Variants in RAI2 observed in about 807,000 individuals in gnomAD.
RAI2 encodes retinoic acid-induced protein 2.
RAI2 carries 5 observed loss-of-function variants against 15.3 expected under a neutral mutation model. The observed-to-expected ratio is 0.33, with a 90% confidence interval of 0.17 to 0.69. The LOEUF (loss-of-function observed/expected upper bound fraction) is 0.69. RAI2 is among the 30% of genes least tolerant of loss of function. The probability of loss-of-function intolerance (pLI) is 0.69; values close to 1 mark genes in which losing one functional copy is unlikely to be tolerated. For missense variants in RAI2, 424 were observed against 424.7 expected (o/e 1.00, Z 0.01); for synonymous variants, 191 against 184.0 (o/e 1.04, Z -0.31).
At chrX:17,840,140 A>G (rs2067381288) in intron 1 of RAI2, among the ~76,000 whole-genome samples, 1 of 112,311 alleles carries the variant, frequency 8.9e-6, no homozygotes, top group Admixed American at 9.4e-5. Context: ...AAAGAGACAA[A>G]AACATTTTTT....
At chrX:17,804,211 C>T (rs773955726) in intron 1 of RAI2, among the ~76,000 whole-genome samples, 3 of 111,840 alleles carry the variant, frequency 2.7e-5, no homozygotes, top group Non-Finnish European at 5.6e-5. Context: ...CCTCCCACTT[C>T]GGCTTCCCAA....
intron 1 of RAI2, among the ~76,000 whole-genome samples, chrX:17,831,888 G>C (rs1034186683): frequency 8.9e-6 from 1 of 112,366 alleles, no homozygotes; most frequent in Admixed American, 9.4e-5. Context: ...TTGTGGATAT[G>C]CTAAGGAAAT....
At chrX:17,809,711 T>G (rs2067022474) in intron 1 of RAI2, among the ~76,000 whole-genome samples, 1 of 110,771 alleles carries the variant, frequency 9.0e-6, no homozygotes, top group African/African-American at 3.3e-5. Context: ...CAGGGAGACT[T>G]CCAGGGTGCC....
intron 1 of RAI2, among the ~76,000 whole-genome samples, chrX:17,852,742 G>A (rs2067551195): frequency 8.9e-6 from 1 of 112,288 alleles, no homozygotes; most frequent in Non-Finnish European, 1.9e-5. Flanking sequence ...GGCATTACCA[G>A]GTGCTAGCTG....
At chrX:17,808,192 C>T (rs866359157) in intron 1 of RAI2, among the ~76,000 whole-genome samples, 24 of 111,269 alleles carry the variant, frequency 2.2e-4, no homozygotes, top group African/African-American at 7.5e-4. Flanking sequence ...AGATTGAATA[C>T]CCCTGGATGC....
chrX:17,819,238 T>C (rs373273054), intron 1 of RAI2, among the ~76,000 whole-genome samples: 83 of 112,523 alleles, frequency 7.4e-4, no homozygotes, highest in African/African-American at 2.6e-3. Context: ...GTGTCTGAGC[T>C]GGCATTGACT....
chrX:17,846,337 C>A (rs2067455749), intron 1 of RAI2, among the ~76,000 whole-genome samples: 1 of 111,636 alleles, frequency 9.0e-6, no homozygotes, highest in Non-Finnish European at 1.9e-5. Context: ...CAATCCCAGG[C>A]AAATGAGGAC....
intron 1 of RAI2, among the ~76,000 whole-genome samples, chrX:17,853,209 T>C: frequency 8.9e-6 from 1 of 111,961 alleles, no homozygotes; most frequent in Non-Finnish European, 1.9e-5. Context: ...CTATGACTTA[T>C]AAAATTGCCT....
intron 1 of RAI2, chrX:17,837,802 T>C (rs762714924): frequency 8.9e-6 from 1 of 112,195 alleles, no homozygotes; most frequent in African/African-American, 3.2e-5. Flanking sequence ...TTTTGCAAGC[T>C]CTATCTTTGT....
At chrX:17,808,105 T>A (rs2067002543) in intron 1 of RAI2, among the ~76,000 whole-genome samples, 1 of 111,807 alleles carries the variant, frequency 8.9e-6, no homozygotes, top group Non-Finnish European at 1.9e-5. Context: ...CTTTTTTTTA[T>A]CTCATCAGCT....
chrX:17,851,823 G>A (rs771530236), intron 1 of RAI2, among the ~76,000 whole-genome samples: 1 of 112,055 alleles, frequency 8.9e-6, no homozygotes, highest in African/African-American at 3.2e-5. Flanking sequence ...AAAAACACCC[G>A]ATTTTCAAAT....
At chrX:17,819,232 C>T (rs2067139147) in intron 1 of RAI2, among the ~76,000 whole-genome samples, 1 of 112,459 alleles carries the variant, frequency 8.9e-6, no homozygotes, top group Admixed American at 9.3e-5. Context: ...TTTTCAGTGT[C>T]TGAGCTGGCA....
intron 1 of RAI2, among the ~76,000 whole-genome samples, chrX:17,806,081 G>A (rs1276296679): frequency 8.9e-6 from 1 of 111,931 alleles, no homozygotes; most frequent in Non-Finnish European, 1.9e-5. Context: ...GCTAATACTG[G>A]AAGCCTCGGC....
chrX:17,805,989 C>A (rs779706714), intron 1 of RAI2, among the ~76,000 whole-genome samples: 1 of 112,430 alleles, frequency 8.9e-6, no homozygotes, highest in Admixed American at 9.3e-5. Flanking sequence ...TGCCAGCAAG[C>A]ACCCCACTCT....
chrX:17,805,078 A>T (rs1489682400), intron 1 of RAI2, among the ~76,000 whole-genome samples: 2 of 112,767 alleles, frequency 1.8e-5, no homozygotes, highest in Admixed American at 9.3e-5. Context: ...TTGTTGGTGG[A>T]AAAACTGATT....
chrX:17,805,848 C>T (rs778387162), intron 1 of RAI2, among the ~76,000 whole-genome samples: 2 of 112,277 alleles, frequency 1.8e-5, no homozygotes, highest in African/African-American at 3.2e-5. Context: ...CTAGTCCCCA[C>T]CAAGTATGGC....
chrX:17,822,653 G>T (rs1197328217), intron 1 of RAI2, among the ~76,000 whole-genome samples: 1 of 112,320 alleles, frequency 8.9e-6, no homozygotes, highest in African/African-American at 3.2e-5. Context: ...TACTTTCAAA[G>T]ACAGATGAAT....
intron 1 of RAI2, among the ~76,000 whole-genome samples, chrX:17,858,405 C>G (rs185135996): frequency 1.3e-3 from 150 of 112,454 alleles, no homozygotes; most frequent in Non-Finnish European, 1.8e-3. Context: ...TTATTTCCCT[C>G]CACTACCATC....
intron 1 of RAI2, among the ~76,000 whole-genome samples, chrX:17,810,409 C>T (rs2067034995): frequency 8.9e-6 from 1 of 112,613 alleles, no homozygotes; most frequent in South Asian, 3.6e-4. Context: ...AGAACACCCC[C>T]ATGCCTTGAC....
Sources: allele counts gnomAD v4.1 joint callset (sites outside exome capture counted in the v4.1 genomes callset), GRCh38; gene constraint gnomAD v4.1.1; transcripts MANE v1.5; gene names NCBI Gene and HGNC (gene_info 2026-07-23, HGNC 2026-07-21).